DUSP10: variants seen among roughly 807,000 people sequenced by gnomAD.
DUSP10 encodes the protein dual specificity phosphatase 10, also known as dual specificity protein phosphatase 10.
In DUSP10, 14 loss-of-function variants were observed where a neutral mutation model predicts 30.8. That is an observed-to-expected ratio of 0.46 (90% CI 0.30 to 0.71). The LOEUF (loss-of-function observed/expected upper bound fraction) is 0.71, where lower values mean the gene tolerates loss of function less well. DUSP10 is among the 30% of genes least tolerant of loss of function. The probability of loss-of-function intolerance (pLI) is 0.08; values close to 1 mark genes in which losing one functional copy is unlikely to be tolerated. For synonymous variants in DUSP10, 254 were observed against 250.4 expected (o/e 1.01, Z -0.14); for missense variants, 550 against 619.4 (o/e 0.89, Z 1.19).
chr1:221,726,000 C>A (rs1661413686), intron 2 of DUSP10, among the ~76,000 whole-genome samples: 1 of 152,164 alleles, frequency 6.6e-6, no homozygotes, highest in South Asian at 2.1e-4. Context: ...CTCTATCCAC[C>A]AAAGAGGTCC....
chr1:221,741,023 C>G (rs1012379569), intron 1 of DUSP10, among the ~76,000 whole-genome samples: 1 of 152,078 alleles, frequency 6.6e-6, no homozygotes, highest in Non-Finnish European at 1.5e-5. Context: ...TACACACGAC[C>G]GTCACCATTC....
At chr1:221,731,898 C>T (rs923024727) in intron 2 of DUSP10, among the ~76,000 whole-genome samples, 1 of 151,874 alleles carries the variant, frequency 6.6e-6, no homozygotes, top group Non-Finnish European at 1.5e-5. Context: ...TGAGCCACCA[C>T]ACCCGGCTGG....
intron 3 of DUSP10, among the ~76,000 whole-genome samples, chr1:221,705,388 G>A (rs1214329704): frequency 6.6e-6 from 1 of 152,224 alleles, no homozygotes; most frequent in Non-Finnish European, 1.5e-5. Flanking sequence ...TGGGATTACA[G>A]GCATGAGCCA....
chr1:221,731,167 C>T (rs748055837), intron 2 of DUSP10, among the ~76,000 whole-genome samples: 3 of 152,076 alleles, frequency 2.0e-5, no homozygotes, highest in Non-Finnish European at 2.9e-5. Context: ...AAATCTTCCT[C>T]GAAGGGGATT....
At chr1:221,725,214 G>A (rs143587782) in intron 2 of DUSP10, among the ~76,000 whole-genome samples, 1,592 of 152,308 alleles carry the variant, frequency 0.01, 16 homozygotes, top group Non-Finnish European at 0.016. Flanking sequence ...TCCACATTGG[G>A]AAGCCAGAAG....
chr1:221,741,138 G>A (rs1295097131), intron 1 of DUSP10, among the ~76,000 whole-genome samples: 1 of 152,104 alleles, frequency 6.6e-6, no homozygotes, highest in Non-Finnish European at 1.5e-5. Context: ...CCATCACGTC[G>A]GCAGATCTCC....
intron 2 of DUSP10, among the ~76,000 whole-genome samples, chr1:221,734,245 T>G (rs12134197): frequency 0.097 from 14,807 of 152,272 alleles, 798 homozygotes; most frequent in Middle Eastern, 0.13. Context: ...ATTATCATGT[T>G]TTTACAAATT....
chr1:221,736,857 C>T (rs1286099574), intron 2 of DUSP10: 5 of 985,338 alleles, frequency 5.1e-6, no homozygotes, highest in Non-Finnish European at 6.0e-6. Context: ...ACCACCAGAG[C>T]ATCTTCCAAG....
Position 221,702,984 on chromosome 1 carries a change from C to CTA in DUSP10, c.1184-309_1184-308dup, listed in dbSNP as rs1660650653. On this transcript the variant is annotated intron_variant, in intron 3 of 3. Transcript: ENST00000366899. This position sits in a 1 kb window ranked among gnomAD's most constrained non-coding sequence, Gnocchi z 4.5. The stretch of plus-strand genomic sequence containing the variant: ...TGACAGCAGTGGCCGGAAGCCAGAC[C>CTA]TATAACACAGTTAACTTTCACGTTG... Among the ~76,000 whole-genome samples, 2 of 152,078 alleles carry CTA rather than the reference C, an allele frequency of 1.3e-5. No individual in the cohort carries two copies. Among genetic ancestry groups the CTA allele is most frequent in the Non-Finnish European group, 2.9e-5 (2 of 68,022 alleles).
chr1:221,730,586 T>A (rs1661560503), intron 2 of DUSP10, among the ~76,000 whole-genome samples: 1 of 152,216 alleles, frequency 6.6e-6, no homozygotes, highest in African/African-American at 2.4e-5. Context: ...TTAAGGGCAA[T>A]GCAGATAATT....
chr1:221,718,788 GC>G (rs1192606454), intron 2 of DUSP10, among the ~76,000 whole-genome samples: 1 of 152,170 alleles, frequency 6.6e-6, no homozygotes, highest in African/African-American at 2.4e-5. Flanking sequence ...CAGCTTCACA[GC>G]AAAAGTATGT....
chr1:221,740,734 C>T (rs1661929144), intron 1 of DUSP10, among the ~76,000 whole-genome samples: 1 of 152,204 alleles, frequency 6.6e-6, no homozygotes, highest in Non-Finnish European at 1.5e-5. Flanking sequence ...ATCCCCCCTT[C>T]AAGAGTACTG....
intron 2 of DUSP10, chr1:221,736,836 A>G: frequency 2.0e-6 from 2 of 985,440 alleles, no homozygotes; most frequent in South Asian, 4.7e-5. Flanking sequence ...ACTACAAATA[A>G]TCTAACCTCT....
At chr1:221,715,850 G>A (rs569955170) in intron 2 of DUSP10, among the ~76,000 whole-genome samples, 34 of 152,250 alleles carry the variant, frequency 2.2e-4, no homozygotes, top group Admixed American at 1.0e-3. Context: ...GCAGAAGTCA[G>A]TGAGACTCTA....
At chr1:221,710,441 G>A (rs1660901145) in intron 2 of DUSP10, among the ~76,000 whole-genome samples, 1 of 151,920 alleles carries the variant, frequency 6.6e-6, no homozygotes. Flanking sequence ...AATGATTAAA[G>A]TGGTTAATAA....
intron 2 of DUSP10, among the ~76,000 whole-genome samples, chr1:221,716,872 A>G (rs906965773): frequency 2.6e-5 from 4 of 152,248 alleles, no homozygotes; most frequent in African/African-American, 7.2e-5. Flanking sequence ...GGATTTGTTA[A>G]CAGACATGCC....
At position 221,706,457 on chromosome 1, in the gene DUSP10, C is replaced by T. The variant is rs550099163; in HGVS notation, c.821G>A (p.Ser274Asn). The change falls in exon 3 of 4, where the codon AGT becomes AAT. Residue 274 changes from serine (S) to asparagine (N), a missense_variant. Physicochemically the swap from Ser to Asn is conservative, Grantham distance 46. Transcript: ENST00000366899. This position sits in a 1 kb window ranked among gnomAD's most constrained non-coding sequence, Gnocchi z 4.6. ...KEPLVLKGGL[S>N]SFKQNHENLC... Reference sequence around the variant, plus strand: ...GTTTTCATGGTTCTGCTTAAAACTACTAAGTCCACCTAGAACACAAACACA... The same window carrying T: ...GTTTTCATGGTTCTGCTTAAAACTATTAAGTCCACCTAGAACACAAACACA... The T allele has an allele frequency of 6.6e-7, 1 of 1,511,818 alleles. No homozygotes were observed. Among genetic ancestry groups the T allele is most frequent in the Non-Finnish European group, 8.9e-7 (1 of 1,129,818 alleles). The allele number at this position is 1,511,818 out of a possible 1,614,324, so 93.7% of individuals were successfully genotyped here.
intron 2 of DUSP10, among the ~76,000 whole-genome samples, chr1:221,713,273 G>A (rs1322937791): frequency 6.6e-6 from 1 of 152,182 alleles, no homozygotes; most frequent in Non-Finnish European, 1.5e-5. Flanking sequence ...AGTGCTGTTA[G>A]CCTAGTCTAC....
At chr1:221,741,864 CACACACACAGATACACACACACAA>C (rs1239770306) in intron 1 of DUSP10, 93 bp downstream of exon 1, 3 of 152,462 alleles carry the variant, frequency 2.0e-5, no homozygotes, top group Non-Finnish European at 4.4e-5. Flanking sequence ...CTCTCTCTCA[CACACACACAGATACACACACACAA>C]ACACACACAC....
Sources: gnomAD v4.1 joint callset for allele counts (sites outside exome capture counted in the v4.1 genomes callset) on GRCh38, gnomAD v4.1.1 for gene constraint, Gnocchi (gnomAD v3.1) non-coding constraint, MANE v1.5 for transcripts, NCBI Gene and HGNC (gene_info 2026-07-23, HGNC 2026-07-21) for gene names.